Variants in TASP1 observed in about 807,000 individuals in gnomAD.
TASP1 encodes threonine aspartase 1.
In TASP1, 16 loss-of-function variants were observed where a neutral mutation model predicts 56.6. The ratio of observed to expected loss-of-function variants is 0.28; its 90% CI spans 0.19 to 0.43. The LOEUF is 0.43. Ranked by LOEUF, TASP1 falls within the 20% of genes least tolerant of loss-of-function variation. The pLI, the probability that TASP1 is intolerant of heterozygous loss-of-function variation, is 1.00. For synonymous variants in TASP1, 179 were observed against 184.2 expected (o/e 0.97, Z 0.23); for missense variants, 393 against 511.6 (o/e 0.77, Z 2.24).
At chr20:13,382,121 CA>C in the TASP1 span, among the ~76,000 whole-genome samples, 1 of 152,270 alleles carries the variant, frequency 6.6e-6, no homozygotes, top group Middle Eastern at 3.4e-3. Context: ...CACACTCAAC[CA>C]GAGTGAATCT....
intron 11 of TASP1, among the ~76,000 whole-genome samples, chr20:13,479,110 AGCCAT>A (rs1468178115): frequency 6.6e-6 from 1 of 152,166 alleles, no homozygotes; most frequent in African/African-American, 2.4e-5. Flanking sequence ...AGTGAGGGAA[AGCCAT>A]AAATATACAT....
the TASP1 span, among the ~76,000 whole-genome samples, chr20:13,184,423 T>C: frequency 3.3e-5 from 5 of 152,236 alleles, no homozygotes; most frequent in African/African-American, 1.2e-4. Context: ...CAATTGTCCA[T>C]AAGCTATAAA....
At chr20:13,539,519 C>T (rs949341684) in intron 8 of TASP1, among the ~76,000 whole-genome samples, 18 of 152,102 alleles carry the variant, frequency 1.2e-4, no homozygotes, top group African/African-American at 3.9e-4. Flanking sequence ...CACTGCACTC[C>T]AGTCAGGACA....
chr20:13,212,538 A>G, the TASP1 span, among the ~76,000 whole-genome samples: 5 of 152,218 alleles, frequency 3.3e-5, no homozygotes, highest in Admixed American at 6.5e-5. Flanking sequence ...TGAGAACAGT[A>G]TATCTTTCAA....
At chr20:13,622,159 T>C (rs1948785664) in intron 4 of TASP1, among the ~76,000 whole-genome samples, 1 of 152,214 alleles carries the variant, frequency 6.6e-6, no homozygotes, top group Non-Finnish European at 1.5e-5. Context: ...ATGGGGTGCT[T>C]ACTACGTACC....
the TASP1 span, among the ~76,000 whole-genome samples, chr20:13,318,609 G>A: frequency 6.6e-6 from 1 of 152,198 alleles, no homozygotes; most frequent in Non-Finnish European, 1.5e-5. Context: ...TAGGTGAAGG[G>A]ATAAACTATA....
At chr20:13,211,491 T>C in the TASP1 span, among the ~76,000 whole-genome samples, 1 of 152,196 alleles carries the variant, frequency 6.6e-6, no homozygotes, top group Non-Finnish European at 1.5e-5. Context: ...TTCTCTAGTC[T>C]AGGGATTAGT....
chr20:13,429,905 G>T (rs2146149374), intron 12 of TASP1, among the ~76,000 whole-genome samples: 1 of 152,044 alleles, frequency 6.6e-6, no homozygotes, highest in South Asian at 2.1e-4. Flanking sequence ...CTTCTCTCCT[G>T]CCCCTGGTTT....
the TASP1 span, chr20:13,292,293 T>C: frequency 1.2e-6 from 1 of 827,594 alleles, no homozygotes; most frequent in Admixed American, 2.4e-5. Context: ...TGTTCAGGTG[T>C]ATTTATTTTT....
the TASP1 span, among the ~76,000 whole-genome samples, chr20:13,262,125 G>A: frequency 0.013 from 2,053 of 152,158 alleles, 61 homozygotes; most frequent in African/African-American, 0.045. Context: ...TTTCTTTGCC[G>A]GTAATGGAGA....
At chr20:13,480,520 A>T (rs1208114701) in intron 11 of TASP1, among the ~76,000 whole-genome samples, 1 of 152,126 alleles carries the variant, frequency 6.6e-6, no homozygotes, top group Non-Finnish European at 1.5e-5. Context: ...ACGAGTCTGG[A>T]ATTTCTAAGA....
At chr20:13,328,567 C>G in the TASP1 span, among the ~76,000 whole-genome samples, 1 of 152,144 alleles carries the variant, frequency 6.6e-6, no homozygotes, top group South Asian at 2.1e-4. Context: ...AAATGCCCAT[C>G]AATGATAGAC....
chr20:13,564,800 A>G (rs2046458998), intron 7 of TASP1, among the ~76,000 whole-genome samples: 1 of 151,994 alleles, frequency 6.6e-6, no homozygotes, highest in Non-Finnish European at 1.5e-5. Context: ...CAGGAGTTCA[A>G]AACCAGCCTG....
At chr20:13,596,597 C>T (rs1189104705) in intron 4 of TASP1, among the ~76,000 whole-genome samples, 1 of 152,014 alleles carries the variant, frequency 6.6e-6, no homozygotes, top group Admixed American at 6.6e-5. Flanking sequence ...CCAAAATCAA[C>T]ACCGTAATAT....
At chr20:13,153,878 A>G in the TASP1 span, 1 of 1,265,398 alleles carries the variant, frequency 7.9e-7, no homozygotes, top group Admixed American at 2.0e-5. Context: ...TCCCTTCCCT[A>G]CTTCCTCCTC....
At chr20:13,583,014 G>T (rs1432063138) in intron 5 of TASP1, among the ~76,000 whole-genome samples, 1 of 152,186 alleles carries the variant, frequency 6.6e-6, no homozygotes, top group Non-Finnish European at 1.5e-5. Flanking sequence ...GCTTTCTCCA[G>T]CATTTGAACA....
chr20:13,109,017 T>C, the TASP1 span, among the ~76,000 whole-genome samples: 1 of 152,174 alleles, frequency 6.6e-6, no homozygotes, highest in South Asian at 2.1e-4. Context: ...ATATAATCAG[T>C]CTAAAAAATA....
chr20:13,610,418 G>A (rs1471940554), intron 4 of TASP1, among the ~76,000 whole-genome samples: 2 of 152,182 alleles, frequency 1.3e-5, no homozygotes, highest in Admixed American at 1.3e-4. Context: ...GGGGCCTTCT[G>A]GAGGGCAGAA....
At chr20:13,388,942 C>T (rs947747366), downstream of TASP1, among the ~76,000 whole-genome samples, 2 of 152,064 alleles carry the variant, frequency 1.3e-5, no homozygotes, top group Admixed American at 6.5e-5. Context: ...TATCAGTTAC[C>T]GCCCAGAGCC....
Sources: gnomAD v4.1 joint callset for allele counts (sites outside exome capture counted in the v4.1 genomes callset) on GRCh38, gnomAD v4.1.1 for gene constraint, MANE v1.5 for transcripts, NCBI Gene and HGNC (gene_info 2026-07-23, HGNC 2026-07-21) for gene names.